MORN1: variants seen among roughly 807,000 people sequenced by gnomAD.
MORN1 encodes MORN repeat-containing protein 1.
MORN1 carries 67 observed loss-of-function variants against 61.9 expected under a neutral mutation model. That is an observed-to-expected ratio of 1.08 (90% CI 0.89 to 1.33). The LOEUF is 1.33. Ranked by LOEUF, MORN1 falls within the 40% of genes most tolerant of loss-of-function variation. The pLI is 0.00. For missense variants in MORN1, 752 were observed against 691.2 expected (o/e 1.09, Z -0.99); for synonymous variants, 301 against 292.0 (o/e 1.03, Z -0.31).
chr1:2,342,276 C>T (rs1174275715), intron 10 of MORN1, among the ~76,000 whole-genome samples: 1 of 152,198 alleles, frequency 6.6e-6, no homozygotes, highest in Non-Finnish European at 1.5e-5. Flanking sequence ...GGGCACCAGG[C>T]AGCAGGCAGG....
chr1:2,354,623 G>C (rs1458861531), intron 10 of MORN1, among the ~76,000 whole-genome samples: 1 of 152,142 alleles, frequency 6.6e-6, no homozygotes, highest in East Asian at 1.9e-4. Flanking sequence ...GTGTGGACTT[G>C]ACTGCACCAG....
At chr1:2,380,144 A>G (rs544539535) in intron 6 of MORN1, among the ~76,000 whole-genome samples, 1 of 152,232 alleles carries the variant, frequency 6.6e-6, no homozygotes, top group East Asian at 1.9e-4. Context: ...CTGGCACGAA[A>G]GGACACCACT....
In MORN1 at chr1:2,391,463, C is replaced by T. The variant is rs1437059916; in HGVS notation, c.71G>A (p.Arg24Gln). 3.2e-6 allele frequency: 4 copies of T among 1,255,102 alleles called. No individual in the cohort carries two copies. Among genetic ancestry groups the T allele is most frequent in the South Asian group, 3.5e-5 (1 of 28,844 alleles). 77.7% of individuals were successfully genotyped at this position (1,255,102 alleles called of 1,614,324 possible). A position where few individuals can be genotyped will look rare whatever the true frequency, so the allele number is the denominator to read the frequency against. ...PRRDPPRRPP[R>Q]NGYGVYVYPN... is the part of the protein sequence containing the mutation. ...CCGTGGCCCGCAGTCGTTACCGTTC[C>T]GGGGCGGCCGCCTAGGCGGGTCCCG... Residue 24 changes from arginine to glutamine, a missense_variant, in exon 1 of 14, where the codon CGG becomes CAG. Physicochemically the swap from Arg to Gln is conservative, Grantham distance 43 (BLOSUM62 1). Coordinates refer to ENST00000378531, the MANE Select transcript of MORN1 (RefSeq NM_024848.3).
chr1:2,385,367 C>T lies in MORN1; in HGVS notation c.450-302G>A, dbSNP rs1009249952. The T allele has an allele frequency of 1.5e-4, 73 of 488,224 alleles. No individual in the cohort carries two copies. In the Middle Eastern group the frequency reaches 2.3e-3, roughly 15 times the overall value. 30.2% of individuals were successfully genotyped at this position (488,224 alleles called of 1,614,324 possible). On this transcript the variant is annotated intron_variant, in intron 5 of 13. Coordinates refer to ENST00000378531, the MANE Select transcript of MORN1 (RefSeq NM_024848.3). ...CAACGGGAGGGGGCTGCAGTCTCCA[C>T]AGCCAGTGAGGCTGAGACTCCGCCG... is the stretch of plus-strand genomic sequence containing the variant.
chr1:2,364,262 A>G (rs1641955026), intron 8 of MORN1, among the ~76,000 whole-genome samples: 1 of 152,192 alleles, frequency 6.6e-6, no homozygotes, highest in Non-Finnish European at 1.5e-5. Flanking sequence ...AAAATCCTAA[A>G]TGTGTATGCC....
intron 8 of MORN1, among the ~76,000 whole-genome samples, chr1:2,360,177 A>G (rs1641862257): frequency 6.6e-6 from 1 of 152,232 alleles, no homozygotes; most frequent in Non-Finnish European, 1.5e-5. Flanking sequence ...TCAAGGTCCT[A>G]TGGAGGACAG....
intron 12 of MORN1, among the ~76,000 whole-genome samples, chr1:2,333,042 TA>T (rs1641193412): frequency 6.6e-6 from 1 of 152,134 alleles, no homozygotes; most frequent in African/African-American, 2.4e-5. Flanking sequence ...AGTGGGACTA[TA>T]AAAACACGGA....
At position 2,389,982 on chromosome 1, in the gene MORN1, C is replaced by G; in HGVS notation, c.91G>C (p.Val31Leu). Residue 31 changes from valine (V) to leucine (L), a missense_variant, in exon 2 of 14, where the codon GTA becomes CTA. By Grantham distance (32) the Val-to-Leu change is conservative (BLOSUM62 1). Transcript: ENST00000378531. ...TATCGAAAGAAGGAATTTGGGTATA[C>G]GTAGACACCATAACCTGAGTATTGA... ...RPPRNGYGVY[V>L]YPNSFFRYEG... The G allele has an allele frequency of 4.3e-6, 7 of 1,613,904 alleles. No homozygotes were observed. The highest frequency in any genetic ancestry group is 5.1e-6 in the Non-Finnish European group (6 of 1,179,828).
Position 2,321,280 on chromosome 1 carries a change from C to T in MORN1, c.*103G>A, listed in dbSNP as rs1640873089. ...GCCGCCACTGAGCATTTTATTCAAG[C>T]CAGCAACCACGGGGCTCTGGAGAAT... On this transcript the variant is annotated 3_prime_UTR_variant, in exon 14 of 14. Coordinates refer to ENST00000378531, the MANE Select transcript of MORN1 (RefSeq NM_024848.3). 1.1e-6 allele frequency: 1 copy of T among 934,190 alleles called. No individual in the cohort carries two copies. Among genetic ancestry groups the T allele is most frequent in the South Asian group, 1.8e-5 (1 of 56,060 alleles). 57.9% of individuals were successfully genotyped at this position (934,190 alleles called of 1,614,324 possible).
chr1:2,322,915 G>C (rs191151490), intron 13 of MORN1: 2 of 985,414 alleles, frequency 2.0e-6, no homozygotes, highest in South Asian at 9.4e-5. Context: ...GCCGGGCCTC[G>C]ACGGCCACGT....
intron 8 of MORN1, chr1:2,371,971 G>A: frequency 6.0e-6 from 1 of 166,200 alleles, no homozygotes; most frequent in Non-Finnish European, 1.3e-5. Flanking sequence ...CCATTCATAG[G>A]TGCATACCCA....
At chr1:2,379,954 A>G (rs61760819) in intron 6 of MORN1, among the ~76,000 whole-genome samples, 36,152 of 152,170 alleles carry the variant, frequency 0.24, 4,512 homozygotes, top group African/African-American at 0.28. Context: ...CATCACCCAC[A>G]GGACCCAGGA....
intron 10 of MORN1, among the ~76,000 whole-genome samples, chr1:2,344,343 AGCACACTCGACAAGGTGGT>A (rs1569953567): frequency 6.6e-6 from 1 of 152,224 alleles, no homozygotes; most frequent in African/African-American, 2.4e-5. Context: ...AGCTCCGGTG[AGCACACTCGACAAGGTGGT>A]GCGGCGAGCT....
At chr1:2,381,972 C>T (rs1158032197) in intron 6 of MORN1, among the ~76,000 whole-genome samples, 2 of 152,100 alleles carry the variant, frequency 1.3e-5, no homozygotes, top group Non-Finnish European at 2.9e-5. Flanking sequence ...GGAGGGAGGG[C>T]GCCGTCCCTT....
At chr1:2,367,052 G>T (rs1021369634) in intron 8 of MORN1, among the ~76,000 whole-genome samples, 4 of 151,744 alleles carry the variant, frequency 2.6e-5, no homozygotes, top group African/African-American at 9.7e-5. Flanking sequence ...CAACAAAATT[G>T]ACCTGATTTA....
intron 4 of MORN1, 64 bp from the exon 5 acceptor site, chr1:2,385,961 G>T: frequency 2.1e-6 from 3 of 1,432,962 alleles, no homozygotes; most frequent in East Asian, 2.3e-5. Flanking sequence ...GAAGGGATCT[G>T]CCCTCCGCTC....
Position 2,337,235 on chromosome 1 carries a change from C to T in MORN1, c.1037-385G>A, listed in dbSNP as rs1328463954. On this transcript the variant is annotated intron_variant, in intron 10 of 13. Coordinates refer to ENST00000378531, the MANE Select transcript of MORN1 (RefSeq NM_024848.3). This position sits in a 1 kb window ranked among gnomAD's most constrained non-coding sequence, Gnocchi z 5.7. ...CCGGAGAGGCTGGCGCTCAACAGTA[C>T]AGCTGTGTGCCCTCCTCGGAGCGCA... is the stretch of plus-strand genomic sequence containing the variant. Among the ~76,000 whole-genome samples the T allele has an allele frequency of 2.0e-5, 3 of 152,226 alleles. No homozygotes were observed. The highest frequency in any genetic ancestry group is 4.4e-5 in the Non-Finnish European group (3 of 68,026).
In MORN1 at chr1:2,384,995, C is replaced by T. The variant is rs374400470; in HGVS notation, c.520G>A (p.Asp174Asn). 6.9e-5 allele frequency: 109 copies of T among 1,587,992 alleles called. No individual in the cohort carries two copies. The highest frequency in any genetic ancestry group is 2.3e-4 in the Middle Eastern group (1 of 4,420). ...RQGHGVLRCA[D>N]GSTYKGQWHS... is the part of the protein sequence containing the mutation. ...CCGGGTACCTTGTAGGTGGAGCCGT[C>T]GGCGCAGCGCAGCACCCCGTGTCCC... The change falls in exon 6 of 14, where the codon GAC (aspartate) becomes AAC (asparagine). Residue 174 changes from aspartate to asparagine, a missense_variant. Transcript: ENST00000378531.
rs764135281 is a variant in MORN1, at chr1:2,336,789, CT to C, written c.1097del (p.Glu366GlyfsTer67). On this transcript the variant is annotated frameshift_variant, in exon 11 of 14. Coordinates refer to ENST00000378531, the MANE Select transcript of MORN1 (RefSeq NM_024848.3). LOFTEE classifies it high-confidence loss of function. ...ACQRVEQGCA[E>X]FTDVLLGPPP... Reference sequence around the variant, plus strand: ...GCGGCCCCAGGAGGACATCTGTGAACTCGGCACAGCCCTGCTCCACTCGCTG... The same window carrying C: ...GCGGCCCCAGGAGGACATCTGTGAACCGGCACAGCCCTGCTCCACTCGCTG... The C allele has an allele frequency of 3.7e-6, 6 of 1,605,900 alleles. No individual in the cohort carries two copies. The East Asian group carries it at 1.1e-4, about 30-fold the overall frequency.
Sources: gnomAD v4.1 joint callset for allele counts (sites outside exome capture counted in the v4.1 genomes callset) on GRCh38, gnomAD v4.1.1 for gene constraint, Gnocchi (gnomAD v3.1) non-coding constraint, MANE v1.5 for transcripts, NCBI Gene and HGNC (gene_info 2026-07-23, HGNC 2026-07-21) for gene names.